The following PHF14 variants were observed in gnomAD, a reference collection of about 807,000 sequenced individuals.
The protein encoded by PHF14 is PHD finger protein 14.
In PHF14, 55 loss-of-function variants were observed where a neutral mutation model predicts 117.9. The observed-to-expected ratio is 0.47, with a 90% CI of 0.38 to 0.58. The LOEUF (loss-of-function observed/expected upper bound fraction) is 0.58. Ranked by LOEUF, PHF14 falls within the 20% of genes least tolerant of loss-of-function variation. PHF14 has a pLI of 0.00. For missense variants in PHF14, 978 were observed against 1,122.2 expected, an observed-to-expected ratio of 0.87 and a Z score of 1.84; for synonymous variants, 409 against 368.6, an observed-to-expected ratio of 1.11 and a Z score of -1.26.
chr7:11,040,397 T>C (rs2128323459), intron 11 of PHF14, among the ~76,000 whole-genome samples: 1 of 152,236 alleles, frequency 6.6e-6, no homozygotes, highest in South Asian at 2.1e-4. Context: ...CTCCTACGTA[T>C]GTGTCTTTGT....
At chr7:10,992,296 C>T (rs1782488992) in intron 4 of PHF14, among the ~76,000 whole-genome samples, 1 of 150,806 alleles carries the variant, frequency 6.6e-6, no homozygotes, top group African/African-American at 2.4e-5. Context: ...TCAAGTGATC[C>T]ACCCGACTCA....
chr7:10,983,075 G>C lies in PHF14; in HGVS notation c.816G>C (p.Lys272Asn), dbSNP rs1264122424. The C allele has an allele frequency of 1.3e-6, 2 of 1,599,176 alleles. No homozygotes were observed. The highest frequency in any genetic ancestry group is 1.1e-5 in the South Asian group (1 of 90,808). The change falls in exon 3 of 18, where the codon AAG (lysine) becomes AAC (asparagine). Residue 272 changes from lysine (K) to asparagine (N), a missense_variant. By Grantham distance (94) the Lys-to-Asn change is moderately conservative (BLOSUM62 0). Coordinates refer to ENST00000634607, the MANE Select transcript of PHF14 (RefSeq NM_001007157.2). Reference protein sequence around the residue: ...PASEGGCKKKKSKVLSRNSAD... With the variant: ...PASEGGCKKKNSKVLSRNSAD... ...GTGAAGGGGGTTGCAAGAAGAAGAA[G>C]AGTAAAGTTCTTAGCAGAAACAGTG...
chr7:11,000,298 G>A (rs1782814204), intron 4 of PHF14, among the ~76,000 whole-genome samples: 1 of 139,860 alleles, frequency 7.2e-6, no homozygotes, highest in Admixed American at 7.1e-5. Context: ...ACTTTCTGTT[G>A]TATGATGTGG....
chr7:11,052,939 T>C (rs10237668), intron 14 of PHF14, among the ~76,000 whole-genome samples: 3,152 of 152,212 alleles, frequency 0.021, 100 homozygotes, highest in African/African-American at 0.073. Context: ...AATAAAAGTT[T>C]GGTGTGTATG....
chr7:11,106,468 A>AATT (rs1188918408), intron 16 of PHF14: 1 of 948,618 alleles, frequency 1.1e-6, no homozygotes, highest in East Asian at 1.2e-4. Context: ...AATTGTTGTA[A>AATT]ATTACAAGGA....
intron 16 of PHF14, chr7:11,106,647 G>A: frequency 1.0e-6 from 1 of 982,670 alleles, no homozygotes; most frequent in Non-Finnish European, 1.2e-6. Context: ...TTCAATGAAA[G>A]AACTCATCGC....
At chr7:11,109,372 A>G (rs1427151098) in intron 16 of PHF14, 1 of 151,188 alleles carries the variant, frequency 6.6e-6, no homozygotes, top group Admixed American at 6.6e-5. Flanking sequence ...GTAGCAGCAT[A>G]TGTTATTCTT....
intron 17 of PHF14, among the ~76,000 whole-genome samples, chr7:11,142,224 A>G (rs1788420758): frequency 1.3e-5 from 2 of 152,092 alleles, no homozygotes; most frequent in African/African-American, 4.8e-5. Flanking sequence ...AAAATTACAG[A>G]TTTTTTATTT....
chr7:11,076,768 A>G (rs954664003), intron 16 of PHF14, among the ~76,000 whole-genome samples: 11 of 151,422 alleles, frequency 7.3e-5, no homozygotes, highest in East Asian at 1.9e-4. Context: ...GGGTTTTGCA[A>G]TGTTGTCCAG....
chr7:10,975,437 C>G (rs1401166751), intron 2 of PHF14, among the ~76,000 whole-genome samples: 3 of 151,996 alleles, frequency 2.0e-5, no homozygotes, highest in African/African-American at 7.2e-5. Context: ...AGGTGCTGGA[C>G]CTTGTGGATT....
intron 17 of PHF14, among the ~76,000 whole-genome samples, chr7:11,166,930 C>T (rs1474407982): frequency 1.3e-5 from 2 of 152,074 alleles, no homozygotes; most frequent in Non-Finnish European, 2.9e-5. Context: ...AAAAATTCAA[C>T]AACAAAAAGA....
intron 16 of PHF14, among the ~76,000 whole-genome samples, chr7:11,080,011 G>A (rs1288243130): frequency 6.6e-6 from 1 of 152,116 alleles, no homozygotes; most frequent in African/African-American, 2.4e-5. Flanking sequence ...AATAGACTCA[G>A]TGGTCTAAAA....
rs374664932 is a variant in PHF14, at chr7:11,051,719, C to T, written c.2420C>T (p.Pro807Leu). 6.2e-6 allele frequency: 10 copies of T among 1,613,552 alleles called. No individual in the cohort carries two copies. Among genetic ancestry groups the T allele is most frequent in the Non-Finnish European group, 8.5e-6 (10 of 1,179,644 alleles). Residue 807 changes from proline to leucine, a missense_variant, in exon 14 of 18, where the codon CCA (proline) becomes CTA (leucine). By Grantham distance (98) the Pro-to-Leu change is moderately conservative. Coordinates refer to ENST00000634607, the MANE Select transcript of PHF14 (RefSeq NM_001007157.2). ...CGATCAAGGAGGCAGATTAAGGAAC[C>T]AGTGAAATTTGTTCCACAGGATGTG... ...TKRSRRQIKE[P>L]VKFVPQDVPP...
rs1259516475 is a variant in PHF14, at chr7:11,129,062, A to T, written c.2772+17595A>T. Among the ~76,000 whole-genome samples, 3 of 152,062 alleles carry T rather than the reference A, an allele frequency of 2.0e-5. No individual in the cohort carries two copies. The East Asian group carries it at 5.8e-4, about 29-fold the overall frequency. ...TATTTCTGTCATACTTTCTTAAAGC[A>T]AGGAACCTGGATGTTGCATATTTTT... On this transcript the variant is annotated intron_variant, in intron 17 of 17. Coordinates refer to ENST00000634607, the MANE Select transcript of PHF14 (RefSeq NM_001007157.2).
chr7:11,095,938 A>G (rs1786843256), intron 16 of PHF14, among the ~76,000 whole-genome samples: 1 of 151,982 alleles, frequency 6.6e-6, no homozygotes, highest in Non-Finnish European at 1.5e-5. Flanking sequence ...CTACCTGTAT[A>G]TAGAAGGTCA....
At chr7:11,054,952 C>T (rs10487898) in intron 14 of PHF14, among the ~76,000 whole-genome samples, 4 of 151,672 alleles carry the variant, frequency 2.6e-5, no homozygotes, top group African/African-American at 9.7e-5. Flanking sequence ...AAAATTTTAC[C>T]TTCATGACAT....
At chr7:11,048,385 A>G (rs1183895656) in intron 13 of PHF14, among the ~76,000 whole-genome samples, 1 of 152,178 alleles carries the variant, frequency 6.6e-6, no homozygotes, top group African/African-American at 2.4e-5. Flanking sequence ...CAGCCTGGCC[A>G]ACATGGTGAA....
intron 4 of PHF14, among the ~76,000 whole-genome samples, chr7:11,008,952 C>T (rs1468373966): frequency 2.7e-5 from 4 of 149,362 alleles, no homozygotes; most frequent in Non-Finnish European, 3.0e-5. Flanking sequence ...AGGAGAATGG[C>T]TTGAACCTGG....
intron 16 of PHF14, chr7:11,071,347 T>G: frequency 2.0e-6 from 1 of 504,740 alleles, no homozygotes; most frequent in South Asian, 1.5e-5. Flanking sequence ...TCCAAGCTAT[T>G]CTGTGATTAT....
Sources: gnomAD v4.1 joint callset for allele counts (sites outside exome capture counted in the v4.1 genomes callset) on GRCh38, gnomAD v4.1.1 for gene constraint, MANE v1.5 for transcripts, NCBI Gene and HGNC (gene_info 2026-07-23, HGNC 2026-07-21) for gene names.